Variants in SETD5 observed in about 807,000 individuals in gnomAD.
SETD5 encodes histone-lysine N-methyltransferase SETD5.
In SETD5, 44 loss-of-function variants were observed where a neutral mutation model predicts 153.3. The ratio of observed to expected loss-of-function variants is 0.29; its 90% CI spans 0.23 to 0.37. The LOEUF (loss-of-function observed/expected upper bound fraction) is 0.37, where lower values mean the gene tolerates loss of function less well. SETD5 is among the 10% of genes least tolerant of loss of function. SETD5 has a pLI of 1.00. For missense variants in SETD5, 1,544 were observed against 1,768.0 expected, an observed-to-expected ratio of 0.87 and a Z score of 2.27; for synonymous variants, 716 against 645.2, an observed-to-expected ratio of 1.11 and a Z score of -1.66.
intron 1 of SETD5, among the ~76,000 whole-genome samples, chr3:9,408,757 T>C (rs991874515): frequency 6.6e-6 from 1 of 152,190 alleles, no homozygotes. Flanking sequence ...ATTCATTGCC[T>C]AGATCAAACT....
At chr3:9,418,167 C>CT (rs2037821998) in intron 1 of SETD5, among the ~76,000 whole-genome samples, 1 of 150,908 alleles carries the variant, frequency 6.6e-6, no homozygotes, top group Non-Finnish European at 1.5e-5. Flanking sequence ...CCACGATGGT[C>CT]TCGATCTCCT....
At chr3:9,423,411 A>C (rs1255774004) in intron 1 of SETD5, among the ~76,000 whole-genome samples, 1 of 152,178 alleles carries the variant, frequency 6.6e-6, no homozygotes. Flanking sequence ...GTTCCTGTGG[A>C]TTCTGATGGA....
At chr3:9,475,376 A>C in intron 22 of SETD5, 107 bp from the exon 23 acceptor site, 1 of 1,461,950 alleles carries the variant, frequency 6.8e-7, no homozygotes, top group Non-Finnish European at 9.1e-7. Context: ...TAAAAAGAAT[A>C]CATGGTTAAA....
intron 17 of SETD5, among the ~76,000 whole-genome samples, chr3:9,459,239 TA>T (rs2043630642): frequency 1.3e-5 from 2 of 152,202 alleles, no homozygotes; most frequent in Non-Finnish European, 2.9e-5. Flanking sequence ...AATTCTTAGT[TA>T]TTAACAATTG....
intron 2 of SETD5, among the ~76,000 whole-genome samples, chr3:9,427,342 G>A (rs1387224190): frequency 6.6e-6 from 1 of 152,188 alleles, no homozygotes; most frequent in East Asian, 1.9e-4. Context: ...CCGGAGGTCA[G>A]GAGTTCAAGA....
chr3:9,475,541 C>G lies in SETD5; in HGVS notation c.3779C>G (p.Ser1260Cys), dbSNP rs1265829808. The G allele has an allele frequency of 6.2e-7, 1 of 1,613,838 alleles. No individual in the cohort carries two copies. Among genetic ancestry groups the G allele is most frequent in the African/African-American group, 1.3e-5 (1 of 74,900 alleles). Residue 1260 changes from serine (S) to cysteine (C), a missense_variant, in exon 23 of 23, where the codon TCC (serine) becomes TGC (cysteine). Around this residue, in one of 9 missense-constraint regions of SETD5, gnomAD observed 302 missense variants for 277.6 expected, o/e 1.09. Transcript: ENST00000402198. ...CAAAGCCTCCTTCAGCAGAGTTCCT[C>G]CCCCTTCAGAGGACATCCTACACAG... is the stretch of plus-strand genomic sequence containing the variant. The part of the protein sequence containing the change: ...ESQSLLQQSS[S>C]PFRGHPTQSP...
Position 9,473,484 on chromosome 3 carries a change from C to T in SETD5, c.3444C>T (p.Ser1148=). The change falls in exon 20 of 23, where the codon TCC becomes TCT. Residue 1148 remains serine, a synonymous_variant. Coordinates refer to ENST00000402198, the MANE Select transcript of SETD5 (RefSeq NM_001080517.3). ...SHLEAVSPSD[S]RGTSSSHCRP... The stretch of plus-strand genomic sequence containing the variant: ...TGGAGGCGGTAAGCCCATCAGATTC[C>T]AGAGGCACTTCTTCATCTCACTGCA... The T allele has an allele frequency of 6.2e-7, 1 of 1,613,828 alleles. No homozygotes were observed. Among genetic ancestry groups the T allele is most frequent in the Non-Finnish European group, 8.5e-7 (1 of 1,179,836 alleles).
chr3:9,448,415 A>G lies in SETD5; in HGVS notation c.2131A>G (p.Lys711Glu). The G allele has an allele frequency of 1.2e-6, 2 of 1,613,986 alleles. No homozygotes were observed. Among genetic ancestry groups the G allele is most frequent in the Non-Finnish European group, 1.7e-6 (2 of 1,179,862 alleles). ...TCTAGTTACAGAATGGTTGAATGAC[A>G]AAGCAGAGAAGCAAGAGTGCCCTGT... ...KYLVTEWLND[K>E]AEKQECPVEC... Residue 711 changes from lysine to glutamate, a missense_variant, in exon 16 of 23, where the codon AAA becomes GAA. Coordinates refer to ENST00000402198, the MANE Select transcript of SETD5 (RefSeq NM_001080517.3).
intron 1 of SETD5, among the ~76,000 whole-genome samples, chr3:9,416,625 G>A (rs1427265872): frequency 6.6e-6 from 1 of 152,020 alleles, no homozygotes; most frequent in Admixed American, 6.5e-5. Context: ...AATTGCATAA[G>A]CTTCTTGTTC....
intron 1 of SETD5, among the ~76,000 whole-genome samples, chr3:9,405,765 T>C (rs1450112556): frequency 6.6e-6 from 1 of 152,208 alleles, no homozygotes; most frequent in Non-Finnish European, 1.5e-5. Flanking sequence ...GTGGATCTCC[T>C]TGCTTTCTAT....
At chr3:9,440,346 C>T (rs974850201) in intron 7 of SETD5, 110 bp from the exon 8 acceptor site, 4 of 646,776 alleles carry the variant, frequency 6.2e-6, no homozygotes, top group African/African-American at 5.4e-5. Flanking sequence ...TATGCCACAT[C>T]AATTGCCAAG....
intron 1 of SETD5, among the ~76,000 whole-genome samples, chr3:9,402,496 T>C (rs940036306): frequency 3.9e-5 from 6 of 152,152 alleles, no homozygotes; most frequent in African/African-American, 7.2e-5. Flanking sequence ...GAAAGGAATT[T>C]TCTGCTTCTT....
intron 1 of SETD5, among the ~76,000 whole-genome samples, chr3:9,416,246 G>C (rs921571116): frequency 6.6e-6 from 1 of 152,120 alleles, no homozygotes; most frequent in African/African-American, 2.4e-5. Context: ...AATAAGAACA[G>C]CTGGCCATCT....
chr3:9,401,717 AT>A (rs1329344266), intron 1 of SETD5, among the ~76,000 whole-genome samples: 6 of 152,258 alleles, frequency 3.9e-5, no homozygotes, highest in African/African-American at 1.4e-4. Flanking sequence ...GAACTGGATC[AT>A]GAATAAAATA....
At chr3:9,413,652 GT>G (rs2036953091) in intron 1 of SETD5, among the ~76,000 whole-genome samples, 357 of 38,688 alleles carry the variant, frequency 9.2e-3, no homozygotes, top group Non-Finnish European at 0.02. Flanking sequence ...GAGGCGGGGT[GT>G]GTGTGTGTGT....
intron 1 of SETD5, among the ~76,000 whole-genome samples, chr3:9,404,649 C>T (rs2035375288): frequency 6.6e-6 from 1 of 152,164 alleles, no homozygotes; most frequent in African/African-American, 2.4e-5. Context: ...TGTGCTATGA[C>T]CCACATTGCC....
chr3:9,449,841 A>G (rs189773899), intron 16 of SETD5, among the ~76,000 whole-genome samples: 2 of 152,348 alleles, frequency 1.3e-5, no homozygotes, highest in East Asian at 3.9e-4. Context: ...TGTTCGGGGA[A>G]ACGCTCGTAG....
intron 2 of SETD5, among the ~76,000 whole-genome samples, chr3:9,426,843 A>C (rs1342002368): frequency 6.6e-6 from 1 of 152,098 alleles, no homozygotes; most frequent in African/African-American, 2.4e-5. Context: ...TGGCCCAGTC[A>C]TTTCCCAGCC....
chr3:9,435,471 T>A (rs1219557742), intron 6 of SETD5, among the ~76,000 whole-genome samples: 2 of 152,148 alleles, frequency 1.3e-5, no homozygotes, highest in African/African-American at 4.8e-5. Flanking sequence ...TGTTATAGAT[T>A]GAGTCAGCGA....
Sources: allele counts gnomAD v4.1 joint callset (sites outside exome capture counted in the v4.1 genomes callset), GRCh38; gene constraint gnomAD v4.1.1; regional missense constraint gnomAD v4.1.1; transcripts MANE v1.5; gene names NCBI Gene and HGNC (gene_info 2026-07-23, HGNC 2026-07-21).